CTNNA2: variants seen among roughly 807,000 people sequenced by gnomAD.
CTNNA2 encodes the protein catenin alpha 2.
CTNNA2 carries 42 observed loss-of-function variants against 101.0 expected under a neutral mutation model. The ratio of observed to expected loss-of-function variants is 0.42; its 90% CI spans 0.32 to 0.54. The LOEUF (loss-of-function observed/expected upper bound fraction) is 0.54. Ranked by LOEUF, CTNNA2 falls within the 20% of genes least tolerant of loss-of-function variation. The pLI is 0.14. For synonymous variants in CTNNA2, 450 were observed against 456.4 expected (o/e 0.99, Z 0.18); for missense variants, 871 against 1,223.1 (o/e 0.71, Z 4.29).
chr2:80,143,639 A>T (rs895361085), intron 7 of CTNNA2, among the ~76,000 whole-genome samples: 12 of 152,140 alleles, frequency 7.9e-5, no homozygotes, highest in African/African-American at 2.7e-4. Flanking sequence ...ATTTCACGAT[A>T]TTACGTAAAA....
At chr2:79,732,148 G>A (rs13386915) in intron 2 of CTNNA2, among the ~76,000 whole-genome samples, 16 of 151,910 alleles carry the variant, frequency 1.1e-4, no homozygotes, top group Non-Finnish European at 1.9e-4. Flanking sequence ...GTCAGTAGTT[G>A]GGTTTTTACC....
At chr2:79,356,006 A>G (rs1308664961) in intron 3 of CTNNA2, among the ~76,000 whole-genome samples, 1 of 151,946 alleles carries the variant, frequency 6.6e-6, no homozygotes, top group Non-Finnish European at 1.5e-5. Context: ...AACTCTTTGT[A>G]TAACCACGTA....
intron 3 of CTNNA2, chr2:79,777,017 G>A (rs567971084): frequency 6.6e-6 from 1 of 152,288 alleles, no homozygotes; most frequent in African/African-American, 2.4e-5. Flanking sequence ...AGACCTGCTT[G>A]GGCTCCAGCT....
intron 2 of CTNNA2, among the ~76,000 whole-genome samples, chr2:79,250,348 T>C (rs943527727): frequency 6.6e-6 from 1 of 152,168 alleles, no homozygotes. Context: ...GAGGATCCTG[T>C]ATGCACACTT....
chr2:79,627,780 T>G (rs1355437009), intron 1 of CTNNA2, among the ~76,000 whole-genome samples: 1 of 152,316 alleles, frequency 6.6e-6, no homozygotes, highest in African/African-American at 2.4e-5. Context: ...GAGCCTATTT[T>G]TAATTTATTT....
intron 2 of CTNNA2, among the ~76,000 whole-genome samples, chr2:79,684,921 A>C (rs1683833908): frequency 6.6e-6 from 1 of 152,116 alleles, no homozygotes; most frequent in Non-Finnish European, 1.5e-5. Flanking sequence ...CCTCTTTCCC[A>C]GTTCATCATG....
intron 7 of CTNNA2, among the ~76,000 whole-genome samples, chr2:80,297,974 G>T (rs6547301): frequency 0.55 from 82,641 of 151,102 alleles, 23,615 homozygotes; most frequent in African/African-American, 0.74. Context: ...CGCGTGTATG[G>T]GTGTGTGTGT....
At chr2:79,475,755 A>G (rs1315674013) in intron 4 of CTNNA2, among the ~76,000 whole-genome samples, 1 of 151,028 alleles carries the variant, frequency 6.6e-6, no homozygotes, top group African/African-American at 2.4e-5. Context: ...ATCATTATGT[A>G]TGTAAGACCA....
At chr2:79,490,317 G>A (rs1381313937) in intron 4 of CTNNA2, among the ~76,000 whole-genome samples, 4 of 152,072 alleles carry the variant, frequency 2.6e-5, no homozygotes, top group Non-Finnish European at 5.9e-5. Flanking sequence ...TTCCATTTCT[G>A]AGGTGGGTTT....
intron 15 of CTNNA2, among the ~76,000 whole-genome samples, chr2:80,595,472 T>A (rs577710257): frequency 7.9e-5 from 12 of 152,310 alleles, no homozygotes; most frequent in African/African-American, 2.9e-4. Context: ...TTCTTTAACT[T>A]GCCTGATTGC....
chr2:79,284,549 T>A (rs2104349536), intron 2 of CTNNA2, among the ~76,000 whole-genome samples: 1 of 151,420 alleles, frequency 6.6e-6, no homozygotes. Flanking sequence ...TCTGTTTATA[T>A]GCTGGATTAC....
chr2:79,467,768 A>T (rs1167181807), intron 4 of CTNNA2, among the ~76,000 whole-genome samples: 2 of 152,212 alleles, frequency 1.3e-5, no homozygotes, highest in Non-Finnish European at 2.9e-5. Context: ...TTTCATATCC[A>T]GGCAAACTAA....
chr2:80,127,858 CTT>C, intron 7 of CTNNA2, among the ~76,000 whole-genome samples: 1 of 152,202 alleles, frequency 6.6e-6, no homozygotes, highest in South Asian at 2.1e-4. Context: ...GACATTTTTA[CTT>C]GGAGTACAGG....
chr2:79,552,399 A>T (rs1674164711), intron 1 of CTNNA2, among the ~76,000 whole-genome samples: 1 of 152,134 alleles, frequency 6.6e-6, no homozygotes, highest in Non-Finnish European at 1.5e-5. Flanking sequence ...GAGTGTCTGC[A>T]GCTATTCCAG....
At chr2:79,823,510 C>A (rs897099042) in intron 3 of CTNNA2, among the ~76,000 whole-genome samples, 3 of 151,378 alleles carry the variant, frequency 2.0e-5, no homozygotes, top group Non-Finnish European at 2.9e-5. Flanking sequence ...AGAGTGAGAC[C>A]CCATCTCAAA....
At chr2:79,352,156 A>G (rs1330635830) in intron 3 of CTNNA2, among the ~76,000 whole-genome samples, 2 of 151,748 alleles carry the variant, frequency 1.3e-5, no homozygotes, top group Non-Finnish European at 2.9e-5. Flanking sequence ...TTTTATTTGC[A>G]TTTCTCTAAT....
intron 4 of CTNNA2, among the ~76,000 whole-genome samples, chr2:79,478,994 A>C (rs1212546530): frequency 6.6e-6 from 1 of 152,076 alleles, no homozygotes; most frequent in African/African-American, 2.4e-5. Flanking sequence ...TAATGTATCA[A>C]CCTTACTGAA....
chr2:80,212,284 T>G (rs1011368099), intron 7 of CTNNA2, among the ~76,000 whole-genome samples: 2 of 152,180 alleles, frequency 1.3e-5, no homozygotes, highest in Non-Finnish European at 2.9e-5. Context: ...GAGGGCATCC[T>G]TGTCTTGTGC....
In CTNNA2 at chr2:79,223,135, G is replaced by A. The variant is rs147737241; in HGVS notation, c.-406+25059G>A. On this transcript the variant is annotated intron_variant, in intron 2 of 21. Coordinates refer to the CTNNA2 transcript ENST00000466387. ...TGTTCGTGCCACTGCACTCCAGCCT[G>A]GGCAACCGAGTGAGATCCCATCTCT... is the stretch of plus-strand genomic sequence containing the variant. Among the ~76,000 whole-genome samples, 196 of 152,198 alleles carry A rather than the reference G, an allele frequency of 1.3e-3. 1 individual carries two copies. Among genetic ancestry groups the A allele is most frequent in the African/African-American group, 4.6e-3 (189 of 41,512 alleles).
Sources: gnomAD v4.1 joint callset for allele counts (sites outside exome capture counted in the v4.1 genomes callset) on GRCh38, gnomAD v4.1.1 for gene constraint, MANE v1.5 for transcripts, NCBI Gene and HGNC (gene_info 2026-07-23, HGNC 2026-07-21) for gene names.